The following BMPR2 variants were observed in gnomAD, a reference collection of about 807,000 sequenced individuals.
The protein encoded by BMPR2 is bone morphogenetic protein receptor type-2.
In BMPR2, 29 loss-of-function variants were observed where a neutral mutation model predicts 100.8. That is an observed-to-expected ratio of 0.29 (90% CI 0.21 to 0.39). The LOEUF is 0.39. Ranked by LOEUF, BMPR2 falls within the 10% of genes least tolerant of loss-of-function variation. The pLI, the probability that BMPR2 is intolerant of heterozygous loss-of-function variation, is 1.00. For missense variants in BMPR2, 1,011 were observed against 1,274.5 expected, an observed-to-expected ratio of 0.79 and a Z score of 3.15; for synonymous variants, 382 against 442.3, an observed-to-expected ratio of 0.86 and a Z score of 1.71.
At position 202,518,911 on chromosome 2, in the gene BMPR2, T is replaced by C. The variant is rs745536408; in HGVS notation, c.711T>C (p.Arg237=). Residue 237 remains arginine (R), a synonymous_variant, in exon 6 of 13, where the codon CGT becomes CGC. Coordinates refer to ENST00000374580, the MANE Select transcript of BMPR2 (RefSeq NM_001204.7). The part of the protein sequence containing the change: ...VAVKVFSFAN[R]QNFINEKNIY... ...TAAAAGTGTTTTCCTTTGCAAACCG[T>C]CAGAATTTTATCAACGAAAAGAACA... 6.2e-7 allele frequency: 1 copy of C among 1,614,208 alleles called. No individual in the cohort carries two copies. Among genetic ancestry groups the C allele is most frequent in the South Asian group, 1.1e-5 (1 of 91,078 alleles).
rs759663998 is a variant in BMPR2, at chr2:202,556,178, T to C, written c.2513T>C (p.Ile838Thr). 18 of 1,611,542 alleles carry C rather than the reference T, an allele frequency of 1.1e-5. No homozygotes were observed. In the South Asian group the frequency reaches 1.9e-4, roughly 17 times the overall value. ...GTACTATCTGGCCAAACAACCAACA[T>C]AGTGACACATAGGGCCCAAGAAATG... is the stretch of plus-strand genomic sequence containing the variant. ...GTVLSGQTTN[I>T]VTHRAQEMLQ... The change falls in exon 12 of 13, where the codon ATA becomes ACA. Residue 838 changes from isoleucine (I) to threonine (T), a missense_variant. Around this residue, in one of 6 missense-constraint regions of BMPR2, gnomAD observed 508 missense variants for 552.0 expected, o/e 0.92. Transcript: ENST00000374580.
At chr2:202,531,106 C>T (rs1298458696) in intron 8 of BMPR2, 152 bp downstream of exon 8, 3 of 883,988 alleles carry the variant, frequency 3.4e-6, no homozygotes, top group Non-Finnish European at 5.2e-6. Flanking sequence ...AGTTCGAGAC[C>T]AGCTTGGCCA....
chr2:202,504,134 T>C (rs531155679), intron 3 of BMPR2, among the ~76,000 whole-genome samples: 1 of 152,208 alleles, frequency 6.6e-6, no homozygotes, highest in Non-Finnish European at 1.5e-5. Flanking sequence ...ACCACTCGGC[T>C]CTACCAATCA....
At chr2:202,390,150 A>G (rs888357946) in intron 1 of BMPR2, among the ~76,000 whole-genome samples, 13 of 152,224 alleles carry the variant, frequency 8.5e-5, no homozygotes, top group African/African-American at 3.1e-4. Context: ...ACAAGGTGGA[A>G]TAATATTGCG....
intron 10 of BMPR2, among the ~76,000 whole-genome samples, chr2:202,545,368 C>T (rs1374837594): frequency 5.3e-5 from 8 of 152,146 alleles, no homozygotes; most frequent in African/African-American, 1.9e-4. Flanking sequence ...TTTCCAGAAA[C>T]TCGTTTGCCT....
At chr2:202,447,413 G>A (rs1691873173) in intron 1 of BMPR2, among the ~76,000 whole-genome samples, 1 of 150,660 alleles carries the variant, frequency 6.6e-6, no homozygotes. Flanking sequence ...ATTACTGGCC[G>A]GGTGCAGTGG....
chr2:202,542,235 C>T lies in BMPR2; in HGVS notation c.1277-76C>T. 12 of 1,551,470 alleles carry T rather than the reference C, an allele frequency of 7.7e-6. No individual in the cohort carries two copies. The South Asian group carries it at 1.2e-4, about 15-fold the overall frequency. On this transcript the variant is annotated intron_variant, in intron 9 of 12. Transcript: ENST00000374580. Reference sequence around the variant, plus strand: ...ACAATTTTTTTTGCTTACTTGGTATCAGAAATACCCCTGTTATTCTATCAT... The same window carrying T: ...ACAATTTTTTTTGCTTACTTGGTATTAGAAATACCCCTGTTATTCTATCAT...
chr2:202,552,100 G>A (rs920858301), intron 10 of BMPR2, among the ~76,000 whole-genome samples: 3 of 152,022 alleles, frequency 2.0e-5, no homozygotes, highest in African/African-American at 7.3e-5. Flanking sequence ...TGATCCACCC[G>A]ACTTGGCCTC....
Position 202,560,265 on chromosome 2 carries a change from A to G in BMPR2, c.*319A>G. 3 of 334,706 alleles carry G rather than the reference A, an allele frequency of 9.0e-6. No homozygotes were observed. The South Asian group carries it at 9.0e-5, about 10-fold the overall frequency. 20.7% of individuals were successfully genotyped at this position (334,706 alleles called of 1,614,324 possible). Reference sequence around the variant, plus strand: ...TTTTTTAAGAAAAAAAGCAAAAACAATGTATTGCTGATAATCAGTTTGGAC... The same window carrying G: ...TTTTTTAAGAAAAAAAGCAAAAACAGTGTATTGCTGATAATCAGTTTGGAC... On this transcript the variant is annotated 3_prime_UTR_variant, in exon 13 of 13. Coordinates refer to ENST00000374580, the MANE Select transcript of BMPR2 (RefSeq NM_001204.7).
chr2:202,414,662 G>A (rs1207056987), intron 1 of BMPR2, among the ~76,000 whole-genome samples: 1 of 152,198 alleles, frequency 6.6e-6, no homozygotes, highest in Non-Finnish European at 1.5e-5. Flanking sequence ...AAAAGTTTAA[G>A]TGGTCTGGAT....
chr2:202,384,588 TTTTC>T (rs1167691807), intron 1 of BMPR2, among the ~76,000 whole-genome samples: 8 of 129,770 alleles, frequency 6.2e-5, no homozygotes, highest in Admixed American at 5.3e-4. Context: ...CTTTTCTTTC[TTTTC>T]TTTCTTTCTT....
intron 3 of BMPR2, among the ~76,000 whole-genome samples, chr2:202,507,648 C>G (rs1006750749): frequency 6.6e-6 from 1 of 152,040 alleles, no homozygotes; most frequent in African/African-American, 2.4e-5. Context: ...CTTAGCCTCC[C>G]AAAATGCTGA....
chr2:202,490,143 T>C (rs1213113367), intron 3 of BMPR2, among the ~76,000 whole-genome samples: 1 of 152,218 alleles, frequency 6.6e-6, no homozygotes, highest in Admixed American at 6.5e-5. Flanking sequence ...GCTCGCCTTA[T>C]ATTTGTCAGC....
intron 1 of BMPR2, among the ~76,000 whole-genome samples, chr2:202,423,371 A>G (rs1691309730): frequency 6.6e-6 from 1 of 152,238 alleles, no homozygotes; most frequent in Non-Finnish European, 1.5e-5. Flanking sequence ...GGAGATCAGA[A>G]CTTGGCTCCC....
intron 1 of BMPR2, among the ~76,000 whole-genome samples, chr2:202,434,925 A>G (rs1296562955): frequency 1.7e-5 from 2 of 118,028 alleles, no homozygotes; most frequent in Admixed American, 1.9e-4. Context: ...ATATATATAT[A>G]TATATATATA....
At position 202,525,888 on chromosome 2, in the gene BMPR2, G is replaced by T. The variant is rs143941968; in HGVS notation, c.968-4906G>T. On this transcript the variant is annotated intron_variant, in intron 7 of 12. Transcript: ENST00000374580. Reference sequence around the variant, plus strand: ...TTTTTTTTTTTTTTTTTTTTGAGACGGAGTTTAGCTCTTGCTGCTCAGGCT... The same window carrying T: ...TTTTTTTTTTTTTTTTTTTTGAGACTGAGTTTAGCTCTTGCTGCTCAGGCT... Among the ~76,000 whole-genome samples, 731 of 107,456 alleles carry T rather than the reference G, an allele frequency of 6.8e-3. 12 individuals are homozygous for T. Among genetic ancestry groups the T allele is most frequent in the African/African-American group, 0.026 (685 of 26,638 alleles). 70.5% of individuals were successfully genotyped at this position (107,456 alleles called of 152,430 possible).
intron 3 of BMPR2, among the ~76,000 whole-genome samples, chr2:202,493,347 C>T (rs1692949137): frequency 6.6e-6 from 1 of 151,848 alleles, no homozygotes; most frequent in Non-Finnish European, 1.5e-5. Flanking sequence ...TCTATCATAT[C>T]TAAAAAGTAC....
chr2:202,408,411 A>G (rs1690946445), intron 1 of BMPR2, among the ~76,000 whole-genome samples: 1 of 152,198 alleles, frequency 6.6e-6, no homozygotes, highest in African/African-American at 2.4e-5. Flanking sequence ...ATAAAAGGTT[A>G]GTTTTGACAA....
intron 1 of BMPR2, among the ~76,000 whole-genome samples, chr2:202,460,570 A>T (rs1692206402): frequency 6.6e-6 from 1 of 152,178 alleles, no homozygotes; most frequent in South Asian, 2.1e-4. Context: ...AAGAACAGAC[A>T]TTGTAGTACA....
Sources: allele counts gnomAD v4.1 joint callset (sites outside exome capture counted in the v4.1 genomes callset), GRCh38; gene constraint gnomAD v4.1.1; regional missense constraint gnomAD v4.1.1; transcripts MANE v1.5; gene names NCBI Gene and HGNC (gene_info 2026-07-23, HGNC 2026-07-21).